TFDP1: variants seen among roughly 807,000 people sequenced by gnomAD.
The protein encoded by TFDP1 is transcription factor Dp-1, also known as DRTF1-polypeptide 1.
A neutral mutation model predicts 48.0 loss-of-function variants in TFDP1; 6 were observed. The observed-to-expected ratio is 0.13, with a 90% CI of 0.07 to 0.25. TFDP1 has a LOEUF of 0.25. TFDP1 is among the 10% of genes least tolerant of loss of function. The probability of loss-of-function intolerance (pLI) is 1.00; values close to 1 mark genes in which losing one functional copy is unlikely to be tolerated. For missense variants in TFDP1, 335 were observed against 543.0 expected (o/e 0.62, Z 3.81); for synonymous variants, 201 against 211.6 (o/e 0.95, Z 0.44).
At chr13:113,632,620 AC>A (rs2049366424) in intron 5 of TFDP1, among the ~76,000 whole-genome samples, 1 of 152,178 alleles carries the variant, frequency 6.6e-6, no homozygotes, top group African/African-American at 2.4e-5. Flanking sequence ...TATTAAAAAT[AC>A]AAAAAAATTA....
At chr13:113,638,533 C>T (rs140547383) in intron 11 of TFDP1, among the ~76,000 whole-genome samples, 7 of 151,964 alleles carry the variant, frequency 4.6e-5, no homozygotes, top group East Asian at 3.9e-4. Context: ...TTTTTCAGAA[C>T]GCGTCTGCAA....
chr13:113,606,243 A>G (rs2048568786), intron 2 of TFDP1, among the ~76,000 whole-genome samples: 1 of 151,984 alleles, frequency 6.6e-6, no homozygotes, highest in African/African-American at 2.4e-5. Flanking sequence ...CGTGGTGGTG[A>G]GTGTCCGCAG....
Position 113,584,764 on chromosome 13 carries a change from G to A in TFDP1, c.-189G>A, listed in dbSNP as rs1264981614. 1 of 146,478 alleles carries A rather than the reference G, an allele frequency of 6.8e-6. No individual in the cohort carries two copies. Among genetic ancestry groups the A allele is most frequent in the Admixed American group, 6.8e-5 (1 of 14,738 alleles). 9.1% of individuals were successfully genotyped at this position (146,478 alleles called of 1,614,324 possible). On this transcript the variant is annotated 5_prime_UTR_variant, in exon 1 of 12. Transcript: ENST00000375370. ...CGCGTCCCGGCGCCACTCGGCCCAG[G>A]GCAGGGACCCCGCCACGGCCGGGAC... is the stretch of plus-strand genomic sequence containing the variant.
rs1014114863 is a variant in TFDP1 at position 113,627,141 on chromosome 13, C to T, written c.186+3855C>T. Reference sequence around the variant, plus strand: ...AGGTTTACAAAAAACTGGACTGGCTCATTCTGACACGAGGGGTGGGGCTCA... The same window carrying T: ...AGGTTTACAAAAAACTGGACTGGCTTATTCTGACACGAGGGGTGGGGCTCA... On this transcript the variant is annotated intron_variant, in intron 4 of 11. Coordinates refer to ENST00000375370, the MANE Select transcript of TFDP1 (RefSeq NM_007111.5). This position sits in a 1 kb window ranked among gnomAD's most constrained non-coding sequence, Gnocchi z 4.1. Among the ~76,000 whole-genome samples, 7 of 152,196 alleles carry T rather than the reference C, an allele frequency of 4.6e-5. No homozygotes were observed. Among genetic ancestry groups the T allele is most frequent in the African/African-American group, 7.2e-5 (3 of 41,438 alleles).
intron 4 of TFDP1, among the ~76,000 whole-genome samples, chr13:113,629,002 G>T (rs544615786): frequency 1.9e-4 from 29 of 152,358 alleles, no homozygotes; most frequent in African/African-American, 6.5e-4. Context: ...GCACACACCT[G>T]TGCCAGGTCC....
intron 2 of TFDP1, among the ~76,000 whole-genome samples, chr13:113,588,275 C>T (rs1322606500): frequency 6.6e-6 from 1 of 152,208 alleles, no homozygotes; most frequent in Non-Finnish European, 1.5e-5. Flanking sequence ...TTCTAAGTGC[C>T]CTGGGGCCTC....
intron 3 of TFDP1, among the ~76,000 whole-genome samples, chr13:113,620,849 A>G (rs921451090): frequency 6.6e-6 from 1 of 152,250 alleles, no homozygotes; most frequent in Admixed American, 6.5e-5. Flanking sequence ...AGAATTTTAA[A>G]TATGTGCTGA....
chr13:113,634,815 G>C (rs555274339), intron 8 of TFDP1, among the ~76,000 whole-genome samples: 1 of 150,008 alleles, frequency 6.7e-6, no homozygotes, highest in Non-Finnish European at 1.5e-5. Flanking sequence ...GTGTGTGTGC[G>C]TGCATGCATG....
rs1479945629 is a variant in TFDP1, at chr13:113,627,106, T to C, written c.186+3820T>C. The stretch of plus-strand genomic sequence containing the variant: ...AGGGCAAATGTTTCTTAAACCTTTT[T>C]ATATACCAGAGGTTTACAAAAAACT... On this transcript the variant is annotated intron_variant, in intron 4 of 11. Coordinates refer to ENST00000375370, the MANE Select transcript of TFDP1 (RefSeq NM_007111.5). This position sits in a 1 kb window ranked among gnomAD's most constrained non-coding sequence, Gnocchi z 4.1. Among the ~76,000 whole-genome samples the C allele has an allele frequency of 6.6e-6, 1 of 152,206 alleles. No individual in the cohort carries two copies. The highest frequency in any genetic ancestry group is 1.5e-5 in the Non-Finnish European group (1 of 68,034).
chr13:113,631,633 C>T lies in TFDP1; in HGVS notation c.197C>T (p.Thr66Met), dbSNP rs774070545. ...VNIAQQVVIG[T>M]PQRPAASNTL... ...CTTTTTCGACTGTAGGTAATTGGTA[C>T]GCCTCAGAGACCGGCAGCGTCAAAC... Residue 66 changes from threonine (T) to methionine (M), a missense_variant, in exon 5 of 12, where the codon ACG becomes ATG. Thr to Met is a moderately conservative substitution (Grantham distance 81). This residue lies in a region of TFDP1 where 103 missense variants were observed against 140.4 expected (regional missense o/e 0.73). Transcript: ENST00000375370. 6.2e-6 allele frequency: 10 copies of T among 1,613,738 alleles called. No homozygotes were observed. The highest frequency in any genetic ancestry group is 5.9e-6 in the Non-Finnish European group (7 of 1,179,860).
chr13:113,612,916 T>C (rs893586830), intron 3 of TFDP1, among the ~76,000 whole-genome samples: 4 of 152,224 alleles, frequency 2.6e-5, no homozygotes, highest in African/African-American at 9.6e-5. Context: ...CCCTCCCACA[T>C]GAGCCTTGGG....
chr13:113,625,462 G>A (rs1211264909), intron 4 of TFDP1, among the ~76,000 whole-genome samples: 1 of 102,858 alleles, frequency 9.7e-6, no homozygotes, highest in African/African-American at 5.2e-5. Context: ...TGTCTCTCAC[G>A]TGTCCTCAGG....
At position 113,620,186 on chromosome 13, in the gene TFDP1, G is replaced by A. The variant is rs368806506; in HGVS notation, c.80-2994G>A. ...GGGTGGAGCAGATGGAGGGCAGGCC[G>A]GATGCCCCGAGGGTCTCAGCTACAC... On this transcript the variant is annotated intron_variant, in intron 3 of 11. Transcript: ENST00000375370. Among the ~76,000 whole-genome samples, 5 of 152,328 alleles carry A rather than the reference G, an allele frequency of 3.3e-5. No individual in the cohort carries two copies. In the East Asian group the frequency reaches 5.8e-4, roughly 18 times the overall value.
chr13:113,634,912 C>CGT (rs143479500), intron 8 of TFDP1, among the ~76,000 whole-genome samples: 278 of 151,188 alleles, frequency 1.8e-3, no homozygotes, highest in African/African-American at 6.3e-3. Flanking sequence ...TGCCTGTGTG[C>CGT]GTGTGTGTGT....
At chr13:113,613,163 C>CATG (rs1344073908) in intron 3 of TFDP1, among the ~76,000 whole-genome samples, 1 of 152,154 alleles carries the variant, frequency 6.6e-6, no homozygotes, top group African/African-American at 2.4e-5. Context: ...ATTAGAGGTG[C>CATG]CCACCACCAT....
chr13:113,606,339 G>A (rs1221394437), intron 2 of TFDP1, among the ~76,000 whole-genome samples: 3 of 152,164 alleles, frequency 2.0e-5, no homozygotes, highest in South Asian at 2.1e-4. Context: ...GGAATCCACC[G>A]CTCACAGCTC....
Position 113,641,150 on chromosome 13 carries a change from A to G in TFDP1, c.*883A>G, listed in dbSNP as rs2049630358. The G allele has an allele frequency of 1.3e-5, 2 of 152,654 alleles. No individual in the cohort carries two copies. Among genetic ancestry groups the G allele is most frequent in the Non-Finnish European group, 2.9e-5 (2 of 68,036 alleles). The allele number at this position is 152,654 out of a possible 1,614,324, so 9.5% of individuals were successfully genotyped here. On this transcript the variant is annotated 3_prime_UTR_variant, in exon 12 of 12. Coordinates refer to ENST00000375370, the MANE Select transcript of TFDP1 (RefSeq NM_007111.5). ...TTTCATAAGCATCTTCCTGTAATCT[A>G]TTATAAAATTGAAATTAAATATAGA...
At chr13:113,590,455 A>G (rs1368833526) in intron 2 of TFDP1, among the ~76,000 whole-genome samples, 1 of 152,230 alleles carries the variant, frequency 6.6e-6, no homozygotes, top group African/African-American at 2.4e-5. Context: ...TGATGCAGCA[A>G]CAAACTGCTG....
At position 113,610,982 on chromosome 13, in the gene TFDP1, G is replaced by A; in HGVS notation, c.13-14G>A. On this transcript the variant is annotated splice_polypyrimidine_tract_variant and intron_variant, in intron 2 of 11. Coordinates refer to ENST00000375370, the MANE Select transcript of TFDP1 (RefSeq NM_007111.5). ...TAGCTGTCATATTTATTATTGTTTT[G>A]TTGCTTTCCGCAGGCCGGTCTAATT... 1 of 1,613,020 alleles carries A rather than the reference G, an allele frequency of 6.2e-7. No individual in the cohort carries two copies.
Sources: gnomAD v4.1 joint callset for allele counts (sites outside exome capture counted in the v4.1 genomes callset) on GRCh38, gnomAD v4.1.1 for gene constraint, gnomAD v4.1.1 regional missense constraint, Gnocchi (gnomAD v3.1) non-coding constraint, MANE v1.5 for transcripts, NCBI Gene and HGNC (gene_info 2026-07-23, HGNC 2026-07-21) for gene names.